RASSF4: variants seen among roughly 807,000 people sequenced by gnomAD.
RASSF4 encodes Ras association domain family member 4.
Under a neutral mutation model 41.1 loss-of-function variants are expected in RASSF4, and 38 were observed. That is an observed-to-expected ratio of 0.92 (90% CI 0.71 to 1.21). The LOEUF is 1.21. Ranked by LOEUF, RASSF4 falls within the 50% of genes most tolerant of loss-of-function variation. The pLI, the probability that RASSF4 is intolerant of heterozygous loss-of-function variation, is 0.00. For missense variants in RASSF4, 414 were observed against 419.4 expected, an observed-to-expected ratio of 0.99 and a Z score of 0.11; for synonymous variants, 179 against 163.4, an observed-to-expected ratio of 1.10 and a Z score of -0.73.
chr10:44,977,520 GC>G (rs1841490500), intron 3 of RASSF4: 1 of 1,613,316 alleles, frequency 6.2e-7, no homozygotes, highest in African/African-American at 1.3e-5. Context: ...TCAGAGCTCT[GC>G]TGCCCATCCT....
At chr10:44,991,339 C>A (rs964102810) in intron 9 of RASSF4, 14 of 347,644 alleles carry the variant, frequency 4.0e-5, no homozygotes, top group Non-Finnish European at 5.7e-5. Flanking sequence ...AAGTCTTTTC[C>A]TTCATTGGAA....
chr10:44,977,274 C>T, intron 3 of RASSF4: 1 of 1,334,128 alleles, frequency 7.5e-7, no homozygotes, highest in Non-Finnish European at 1.0e-6. Context: ...CAAGCAGGGG[C>T]CTCTGCAGAA....
chr10:44,974,677 G>A (rs1351443489), intron 3 of RASSF4, among the ~76,000 whole-genome samples: 3 of 152,030 alleles, frequency 2.0e-5, no homozygotes, highest in Non-Finnish European at 4.4e-5. Flanking sequence ...TTAGCAGTAC[G>A]GTTTGGGGTG....
chr10:44,989,157 AG>A, intron 6 of RASSF4, 116 bp from the exon 7 acceptor site: 1 of 645,024 alleles, frequency 1.6e-6, no homozygotes, highest in South Asian at 1.9e-5. Context: ...GTGAATGGAC[AG>A]GTGCAGGTGT....
intron 3 of RASSF4, among the ~76,000 whole-genome samples, chr10:44,980,162 C>G (rs1228360077): frequency 6.6e-6 from 1 of 152,106 alleles, no homozygotes; most frequent in Non-Finnish European, 1.5e-5. Context: ...CAAGAGGGAC[C>G]GGCAGTCCCA....
chr10:44,975,274 G>A (rs1841362649), intron 3 of RASSF4, among the ~76,000 whole-genome samples: 1 of 152,124 alleles, frequency 6.6e-6, no homozygotes, highest in South Asian at 2.1e-4. Flanking sequence ...GAGTTGCCCC[G>A]TCCCCTCTCC....
At chr10:44,986,187 G>C (rs184619281) in intron 6 of RASSF4, among the ~76,000 whole-genome samples, 6 of 152,296 alleles carry the variant, frequency 3.9e-5, no homozygotes, top group African/African-American at 1.4e-4. Context: ...CCAAAAAAAG[G>C]GTGGGGGCAG....
chr10:44,977,443 GCT>G, intron 3 of RASSF4: 1 of 1,611,024 alleles, frequency 6.2e-7, no homozygotes, highest in Non-Finnish European at 8.5e-7. Context: ...TGAGGACACT[GCT>G]GGGGCGGGGG....
Position 44,970,442 on chromosome 10 carries a change from C to A in RASSF4, c.62+178C>A, listed in dbSNP as rs1001259132. The A allele has an allele frequency of 1.9e-5, 11 of 594,526 alleles. No homozygotes were observed. The East Asian group carries it at 3.1e-4, about 17-fold the overall frequency. The allele number at this position is 594,526 out of a possible 1,614,324, so 36.8% of individuals were successfully genotyped here. ...TGTCCAATAGGGGATCCCCAAGCTA[C>A]ACATGACCATGGCTGGGAGGCATGG... On this transcript the variant is annotated intron_variant, in intron 2 of 10. Transcript: ENST00000340258.
In RASSF4 at chr10:44,977,427, G is replaced by A. The variant is rs199860476; in HGVS notation, c.139-5094G>A. 3.1e-5 allele frequency: 50 copies of A among 1,603,672 alleles called. No individual in the cohort carries two copies. In the East Asian group the frequency reaches 1.1e-3, roughly 34 times the overall value. On this transcript the variant is annotated intron_variant, in intron 3 of 10. Transcript: ENST00000340258. The stretch of plus-strand genomic sequence containing the variant: ...TGGATCACCGGGAGGTGCGAGTAGA[G>A]TGTTCTGAGGACACTGCTGGGGCGG...
intron 6 of RASSF4, 136 bp downstream of exon 6, chr10:44,985,106 A>AT (rs1841872128): frequency 7.9e-6 from 7 of 882,880 alleles, no homozygotes; most frequent in Non-Finnish European, 1.2e-5. Context: ...TTGCATCCAC[A>AT]TAACAGCCCC....
intron 4 of RASSF4, 46 bp from the exon 5 acceptor site, chr10:44,983,976 T>A: frequency 6.4e-7 from 1 of 1,555,984 alleles, no homozygotes. Flanking sequence ...CTGAGCTCCC[T>A]TTCTCTGCCG....
In RASSF4 at chr10:44,973,411, G is replaced by A. The variant is rs530072656; in HGVS notation, c.138+1563G>A. On this transcript the variant is annotated intron_variant, in intron 3 of 10. Coordinates refer to ENST00000340258, the MANE Select transcript of RASSF4 (RefSeq NM_032023.4). ...ATTTCCACCTGTGCTGTTAACACACGCCACTTCATATCTTCTGGTGGAGGC... is the reference window on the plus strand; with the variant it reads ...ATTTCCACCTGTGCTGTTAACACACACCACTTCATATCTTCTGGTGGAGGC... Among the ~76,000 whole-genome samples the A allele has an allele frequency of 2.6e-5, 4 of 152,260 alleles. No individual in the cohort carries two copies. In the South Asian group the frequency reaches 8.3e-4, roughly 32 times the overall value.
At chr10:44,983,958 T>A in intron 4 of RASSF4, 64 bp from the exon 5 acceptor site, 1 of 1,551,808 alleles carries the variant, frequency 6.4e-7, no homozygotes, top group Non-Finnish European at 8.7e-7. Context: ...TGGTCTCTTC[T>A]CCTTGGCCTG....
intron 4 of RASSF4, 181 bp downstream of exon 4, chr10:44,982,844 C>G (rs1841773324): frequency 1.4e-6 from 1 of 724,308 alleles, no homozygotes; most frequent in Non-Finnish European, 2.5e-6. Flanking sequence ...TGGCCTCTCC[C>G]TCCTTCCTGG....
At chr10:44,977,434 G>C (rs753937709) in intron 3 of RASSF4, 1 of 1,609,298 alleles carries the variant, frequency 6.2e-7, no homozygotes, top group Non-Finnish European at 8.5e-7. Flanking sequence ...AGAGTGTTCT[G>C]AGGACACTGC....
At chr10:44,993,132 TC>T (rs1160830135) in intron 10 of RASSF4, 136 bp from the exon 11 acceptor site, 4 of 691,332 alleles carry the variant, frequency 5.8e-6, no homozygotes, top group Admixed American at 2.3e-5. Context: ...GCCACAGCCT[TC>T]CCCCTCCTTG....
At chr10:44,986,933 G>A (rs796922052) in intron 6 of RASSF4, among the ~76,000 whole-genome samples, 8 of 152,260 alleles carry the variant, frequency 5.3e-5, no homozygotes, top group African/African-American at 1.9e-4. Flanking sequence ...ATTCAAATGC[G>A]TTCTGTTAGA....
intron 1 of RASSF4, among the ~76,000 whole-genome samples, chr10:44,965,034 C>T (rs1321057414): frequency 6.6e-6 from 1 of 152,194 alleles, no homozygotes; most frequent in Non-Finnish European, 1.5e-5. Flanking sequence ...TTTGTGGGAG[C>T]CATAGGCTCT....
Sources: gnomAD v4.1 joint callset for allele counts (sites outside exome capture counted in the v4.1 genomes callset) on GRCh38, gnomAD v4.1.1 for gene constraint, MANE v1.5 for transcripts, NCBI Gene and HGNC (gene_info 2026-07-23, HGNC 2026-07-21) for gene names.